The following SLC36A1 variants were observed in gnomAD, a reference collection of about 807,000 sequenced individuals.
The protein encoded by SLC36A1 is solute carrier family 36 member 1.
SLC36A1 carries 30 observed loss-of-function variants against 47.5 expected under a neutral mutation model. The ratio of observed to expected loss-of-function variants is 0.63; its 90% CI spans 0.47 to 0.86. SLC36A1 has a LOEUF of 0.86. Ranked by LOEUF, SLC36A1 falls within the 40% of genes least tolerant of loss-of-function variation. SLC36A1 has a pLI of 0.00. For synonymous variants in SLC36A1, 255 were observed against 249.7 expected (o/e 1.02, Z -0.20); for missense variants, 517 against 606.0 (o/e 0.85, Z 1.54).
the SLC36A1 span, among the ~76,000 whole-genome samples, chr5:151,535,787 C>G: frequency 9.9e-5 from 15 of 152,220 alleles, no homozygotes; most frequent in Non-Finnish European, 1.8e-4. Context: ...GGATCTGACA[C>G]TATCTCCAGG....
At chr5:151,496,406 G>A (rs165331), downstream of SLC36A1, among the ~76,000 whole-genome samples, 59,063 of 152,120 alleles carry the variant, frequency 0.39, 15,287 homozygotes, top group African/African-American at 0.74. Flanking sequence ...AAACAGACTA[G>A]TACGTATGGT....
At chr5:151,409,260 A>C in the SLC36A1 span, among the ~76,000 whole-genome samples, 1 of 151,796 alleles carries the variant, frequency 6.6e-6, no homozygotes, top group African/African-American at 2.4e-5. Flanking sequence ...TCAGCCTCCC[A>C]AGTGCTAGGA....
the SLC36A1 span, chr5:151,546,355 A>G: frequency 2.5e-6 from 4 of 1,596,878 alleles, no homozygotes; most frequent in Non-Finnish European, 3.4e-6. Context: ...AGAAGACAAG[A>G]CAAACAAGTT....
At chr5:151,382,674 G>T in the SLC36A1 span, among the ~76,000 whole-genome samples, 10 of 152,316 alleles carry the variant, frequency 6.6e-5, no homozygotes, top group Non-Finnish European at 1.0e-4. Context: ...GTGGCACATA[G>T]TACCCCAACT....
At chr5:151,440,064 C>A (rs2127439911) in intron 1 of SLC36A1, among the ~76,000 whole-genome samples, 1 of 152,274 alleles carries the variant, frequency 6.6e-6, no homozygotes, top group Middle Eastern at 3.4e-3. Flanking sequence ...CCCAGACCAC[C>A]CACAGGAGTT....
At chr5:151,472,790 A>G (rs994272054) in intron 7 of SLC36A1, among the ~76,000 whole-genome samples, 3 of 152,260 alleles carry the variant, frequency 2.0e-5, no homozygotes, top group African/African-American at 7.2e-5. Flanking sequence ...GTGAATATAT[A>G]AATTAAAATT....
At chr5:151,420,279 T>C in the SLC36A1 span, among the ~76,000 whole-genome samples, 1 of 152,198 alleles carries the variant, frequency 6.6e-6, no homozygotes, top group Non-Finnish European at 1.5e-5. Flanking sequence ...TCCATCCTTC[T>C]GGAGCTGTCA....
chr5:151,470,764 A>T (rs1028574628), intron 7 of SLC36A1: 2 of 152,004 alleles, frequency 1.3e-5, no homozygotes, highest in African/African-American at 4.8e-5. Context: ...ATGTTTCTGA[A>T]TTTTTTCCCT....
chr5:151,550,346 T>C, the SLC36A1 span, among the ~76,000 whole-genome samples: 1 of 152,088 alleles, frequency 6.6e-6, no homozygotes, highest in Admixed American at 6.5e-5. Context: ...TCTTGGGAAA[T>C]ATCTGGGGTG....
At chr5:151,359,517 A>G in the SLC36A1 span, among the ~76,000 whole-genome samples, 2 of 152,232 alleles carry the variant, frequency 1.3e-5, no homozygotes, top group Non-Finnish European at 2.9e-5. Flanking sequence ...TTTGCATGCC[A>G]TAAAATTCAC....
chr5:151,502,763 C>G, the SLC36A1 span, among the ~76,000 whole-genome samples: 1 of 148,156 alleles, frequency 6.7e-6, no homozygotes, highest in East Asian at 1.9e-4. Flanking sequence ...CCAGAGCTAA[C>G]CTATATCTAC....
the SLC36A1 span, chr5:151,380,598 G>C: frequency 1.8e-6 from 1 of 549,376 alleles, no homozygotes; most frequent in African/African-American, 1.9e-5. Context: ...TCAGTTCCCT[G>C]TCCACTGAAG....
At chr5:151,524,749 C>T in the SLC36A1 span, among the ~76,000 whole-genome samples, 1 of 152,162 alleles carries the variant, frequency 6.6e-6, no homozygotes, top group Non-Finnish European at 1.5e-5. Context: ...GTTCTCAGTA[C>T]CTCAGCCATA....
chr5:151,554,738 A>C, the SLC36A1 span: 1 of 1,253,788 alleles, frequency 8.0e-7, no homozygotes, highest in African/African-American at 1.5e-5. Context: ...ATGCTTTAAC[A>C]ACCTGGAAAT....
the SLC36A1 span, among the ~76,000 whole-genome samples, chr5:151,428,489 C>T: frequency 6.9e-6 from 1 of 145,816 alleles, no homozygotes; most frequent in African/African-American, 2.7e-5. Context: ...GTCACAGTGG[C>T]TCTCTCAGAT....
the SLC36A1 span, among the ~76,000 whole-genome samples, chr5:151,424,311 G>A: frequency 5.6e-4 from 85 of 152,356 alleles, no homozygotes; most frequent in African/African-American, 1.9e-3. Context: ...CAGAGAAGGC[G>A]AAGGGATGGG....
the SLC36A1 span, chr5:151,511,844 G>C: frequency 3.4e-6 from 1 of 294,644 alleles, no homozygotes; most frequent in Non-Finnish European, 6.3e-6. Flanking sequence ...ATAAGTTAAA[G>C]GGGAATGAGA....
upstream of SLC36A1, among the ~76,000 whole-genome samples, chr5:151,433,249 T>A (rs1327227612): frequency 1.3e-4 from 2 of 15,896 alleles, no homozygotes; most frequent in East Asian, 2.8e-3. Context: ...TATATATATA[T>A]ATATATATAT....
chr5:151,461,121 G>A (rs1312937769), intron 2 of SLC36A1, among the ~76,000 whole-genome samples: 1 of 150,514 alleles, frequency 6.6e-6, no homozygotes, highest in Non-Finnish European at 1.5e-5. Context: ...CTAAGTAGCT[G>A]AGACTACAGG....
Sources: gnomAD v4.1 joint callset for allele counts (sites outside exome capture counted in the v4.1 genomes callset) on GRCh38, gnomAD v4.1.1 for gene constraint, MANE v1.5 for transcripts, NCBI Gene and HGNC (gene_info 2026-07-23, HGNC 2026-07-21) for gene names.